CNTN1: variants seen among roughly 807,000 people sequenced by gnomAD.
The protein encoded by CNTN1 is contactin 1.
Under a neutral mutation model 126.4 loss-of-function variants are expected in CNTN1, and 38 were observed. That is an observed-to-expected ratio of 0.30 (90% confidence interval 0.23 to 0.39). The LOEUF is 0.39. Ranked by LOEUF, CNTN1 falls within the 10% of genes least tolerant of loss-of-function variation. The pLI is 1.00. For synonymous variants in CNTN1, 413 were observed against 422.6 expected (o/e 0.98, Z 0.28); for missense variants, 1,009 against 1,248.4 (o/e 0.81, Z 2.89).
chr12:41,010,381 C>T (rs554208755), intron 17 of CNTN1, among the ~76,000 whole-genome samples: 1 of 152,320 alleles, frequency 6.6e-6, no homozygotes, highest in African/African-American at 2.4e-5. Flanking sequence ...AGTGCCCTGA[C>T]TTGCTGCACC....
intron 1 of CNTN1, among the ~76,000 whole-genome samples, chr12:40,698,672 T>C (rs574335335): frequency 2.6e-5 from 4 of 152,294 alleles, no homozygotes; most frequent in Admixed American, 2.6e-4. Context: ...ATAACCACAG[T>C]TGTCTTTCTA....
At chr12:40,711,218 C>T (rs1941904740) in intron 1 of CNTN1, among the ~76,000 whole-genome samples, 1 of 152,134 alleles carries the variant, frequency 6.6e-6, no homozygotes, top group Non-Finnish European at 1.5e-5. Flanking sequence ...TTCAGTCTTT[C>T]CCTGTCAATT....
At chr12:40,699,939 A>G (rs551618871) in intron 1 of CNTN1, among the ~76,000 whole-genome samples, 33 of 152,332 alleles carry the variant, frequency 2.2e-4, no homozygotes, top group African/African-American at 7.5e-4. Flanking sequence ...AATCTTGATA[A>G]TAATAATCCC....
chr12:40,852,293 G>A (rs1942748793), intron 1 of CNTN1, among the ~76,000 whole-genome samples: 1 of 152,126 alleles, frequency 6.6e-6, no homozygotes, highest in South Asian at 2.1e-4. Flanking sequence ...CATACTTAAG[G>A]TTGGTATGAA....
At chr12:40,971,033 A>G (rs1030036889) in intron 15 of CNTN1, among the ~76,000 whole-genome samples, 1 of 152,174 alleles carries the variant, frequency 6.6e-6, no homozygotes, top group Non-Finnish European at 1.5e-5. Context: ...TTTTCAAACC[A>G]TTGCTTCAAT....
At chr12:41,012,228 G>A (rs1948677409) in intron 17 of CNTN1, among the ~76,000 whole-genome samples, 1 of 152,116 alleles carries the variant, frequency 6.6e-6, no homozygotes, top group South Asian at 2.1e-4. Flanking sequence ...AATGCCATGT[G>A]CTCTCTAGAA....
At chr12:40,705,705 C>T (rs10879031) in intron 1 of CNTN1, among the ~76,000 whole-genome samples, 92,788 of 151,910 alleles carry the variant, frequency 0.61, 29,142 homozygotes, top group East Asian at 0.84. Flanking sequence ...AACAAAATAC[C>T]TGAGACTGGG....
chr12:40,710,109 T>C (rs1941875427), intron 1 of CNTN1, among the ~76,000 whole-genome samples: 1 of 152,162 alleles, frequency 6.6e-6, no homozygotes, highest in Non-Finnish European at 1.5e-5. Flanking sequence ...AATTGAACAC[T>C]TGGAGGCCAT....
intron 1 of CNTN1, among the ~76,000 whole-genome samples, chr12:40,737,140 A>C (rs539155081): frequency 2.6e-5 from 4 of 151,952 alleles, no homozygotes; most frequent in African/African-American, 9.6e-5. Flanking sequence ...GATTTTATAT[A>C]TAAATTTTTT....
intron 1 of CNTN1, among the ~76,000 whole-genome samples, chr12:40,905,799 T>A (rs950231885): frequency 6.6e-6 from 1 of 152,184 alleles, no homozygotes; most frequent in Non-Finnish European, 1.5e-5. Context: ...AATTAGAAAC[T>A]ATCAGGACAA....
At chr12:40,772,679 G>A (rs886597490) in intron 1 of CNTN1, among the ~76,000 whole-genome samples, 5 of 151,882 alleles carry the variant, frequency 3.3e-5, no homozygotes, top group African/African-American at 1.2e-4. Flanking sequence ...TGTTGGGAAG[G>A]CATTGAATAT....
At chr12:40,744,547 A>G (rs1216279818) in intron 1 of CNTN1, among the ~76,000 whole-genome samples, 6 of 152,124 alleles carry the variant, frequency 3.9e-5, no homozygotes, top group African/African-American at 1.4e-4. Flanking sequence ...ACATTTTTGT[A>G]CAAAAGATGC....
chr12:40,859,960 TACTTTTCCAAA>T (rs1943061315), intron 1 of CNTN1, among the ~76,000 whole-genome samples: 1 of 152,162 alleles, frequency 6.6e-6, no homozygotes, highest in Non-Finnish European at 1.5e-5. Context: ...TTATTAATCA[TACTTTTCCAAA>T]ACTTTTCCAA....
intron 14 of CNTN1, among the ~76,000 whole-genome samples, chr12:40,952,425 A>G (rs1296356104): frequency 2.0e-5 from 3 of 152,152 alleles, no homozygotes; most frequent in Non-Finnish European, 2.9e-5. Flanking sequence ...TAGACATTTA[A>G]AAAACATTCA....
Position 41,067,872 on chromosome 12 carries a change from A to G in CNTN1, c.2981-2087A>G, listed in dbSNP as rs138030583. Among the ~76,000 whole-genome samples, 8 of 152,352 alleles carry G rather than the reference A, an allele frequency of 5.3e-5. No individual in the cohort carries two copies. The East Asian group carries it at 1.5e-3, about 29-fold the overall frequency. On this transcript the variant is annotated intron_variant, in intron 23 of 23. Coordinates refer to ENST00000551295, the MANE Select transcript of CNTN1 (RefSeq NM_001843.4). ...TTATTATTGGGCATCTTATCAGAATAAAATAATGTGTGGTCTGTGGCATAT... is the reference window on the plus strand; with the variant it reads ...TTATTATTGGGCATCTTATCAGAATGAAATAATGTGTGGTCTGTGGCATAT...
chr12:40,977,152 A>C (rs961820844), intron 15 of CNTN1, among the ~76,000 whole-genome samples: 1 of 152,128 alleles, frequency 6.6e-6, no homozygotes, highest in Non-Finnish European at 1.5e-5. Flanking sequence ...GGACAACTCA[A>C]AATGGGGGGC....
chr12:40,958,337 GTGTGTGTGTATATA>G (rs1276837275), intron 14 of CNTN1, among the ~76,000 whole-genome samples: 2 of 131,746 alleles, frequency 1.5e-5, no homozygotes, highest in East Asian at 4.1e-4. Flanking sequence ...ATGTGTATAT[GTGTGTGTGTATATA>G]TGTGTGTGTG....
chr12:40,978,376 C>A (rs117457170), intron 15 of CNTN1, among the ~76,000 whole-genome samples: 1 of 151,782 alleles, frequency 6.6e-6, no homozygotes, highest in Non-Finnish European at 1.5e-5. Context: ...AATTCCCACA[C>A]CAGGGTTTTG....
At chr12:40,975,559 C>T (rs1486416255) in intron 15 of CNTN1, among the ~76,000 whole-genome samples, 1 of 151,940 alleles carries the variant, frequency 6.6e-6, no homozygotes, top group Non-Finnish European at 1.5e-5. Context: ...TTTTTGTATG[C>T]CCCATAGGTG....
Sources: allele counts gnomAD v4.1 joint callset (sites outside exome capture counted in the v4.1 genomes callset), GRCh38; gene constraint gnomAD v4.1.1; transcripts MANE v1.5; gene names NCBI Gene and HGNC (gene_info 2026-07-23, HGNC 2026-07-21).